Variants in CALCOCO2 observed in about 807,000 individuals in gnomAD.
CALCOCO2 encodes the protein calcium binding and coiled-coil domain 2.
A neutral mutation model predicts 62.5 loss-of-function variants in CALCOCO2; 42 were observed. The observed-to-expected ratio is 0.67, with a 90% confidence interval of 0.53 to 0.87. The LOEUF is 0.87. Ranked by LOEUF, CALCOCO2 falls within the 40% of genes least tolerant of loss-of-function variation. The probability of loss-of-function intolerance (pLI) is 0.00; values close to 1 mark genes in which losing one functional copy is unlikely to be tolerated. For synonymous variants in CALCOCO2, 167 were observed against 173.0 expected, an observed-to-expected ratio of 0.97 and a Z score of 0.27; for missense variants, 456 against 515.0, an observed-to-expected ratio of 0.89 and a Z score of 1.11.
chr17:48,844,510 A>G (rs980538615), intron 2 of CALCOCO2, among the ~76,000 whole-genome samples: 15 of 151,774 alleles, frequency 9.9e-5, no homozygotes, highest in African/African-American at 3.6e-4. Flanking sequence ...GCTGGAGTGC[A>G]ATGGCGCGAT....
chr17:48,860,270 CT>C (rs756154608), intron 10 of CALCOCO2, 43 bp from the exon 11 acceptor site: 1 of 1,580,124 alleles, frequency 6.3e-7, no homozygotes, highest in South Asian at 1.1e-5. Flanking sequence ...GGTGGCCATT[CT>C]TGGTATTGTC....
chr17:48,831,485 G>A (rs1260399046), intron 1 of CALCOCO2: 1 of 152,342 alleles, frequency 6.6e-6, no homozygotes, highest in Admixed American at 6.5e-5. Flanking sequence ...TCGAGGCGGA[G>A]GTGGAGCCTT....
intron 5 of CALCOCO2, among the ~76,000 whole-genome samples, chr17:48,850,548 C>T (rs2040114387): frequency 6.6e-6 from 1 of 151,572 alleles, no homozygotes; most frequent in Admixed American, 6.6e-5. Context: ...AAAAATGTGC[C>T]TCCTAAGATT....
At chr17:48,835,895 GC>G (rs1367533737) in intron 1 of CALCOCO2, among the ~76,000 whole-genome samples, 2 of 151,844 alleles carry the variant, frequency 1.3e-5, no homozygotes, top group African/African-American at 4.8e-5. Flanking sequence ...GATTACAGGC[GC>G]CTACCACCAC....
chr17:48,849,933 G>A (rs1034865949), intron 5 of CALCOCO2, among the ~76,000 whole-genome samples: 1 of 152,020 alleles, frequency 6.6e-6, no homozygotes, highest in Middle Eastern at 3.2e-3. Context: ...CAAGATGGGT[G>A]GATCACTTGA....
intron 4 of CALCOCO2, 95 bp downstream of exon 4, chr17:48,848,550 C>A: frequency 8.8e-7 from 1 of 1,134,862 alleles, no homozygotes; most frequent in Non-Finnish European, 1.3e-6. Context: ...TATTGAATAT[C>A]TAACGGGTAT....
chr17:48,854,049 C>T (rs1236682754), intron 9 of CALCOCO2, among the ~76,000 whole-genome samples: 1 of 152,008 alleles, frequency 6.6e-6, no homozygotes, highest in Non-Finnish European at 1.5e-5. Flanking sequence ...GGTGCGGTGG[C>T]TCGCGCCTGT....
intron 1 of CALCOCO2, among the ~76,000 whole-genome samples, chr17:48,838,676 T>C (rs1408121156): frequency 2.0e-5 from 3 of 152,108 alleles, no homozygotes; most frequent in Non-Finnish European, 2.9e-5. Flanking sequence ...ATCGCGCCAC[T>C]GCACTCCAGC....
Position 48,852,599 on chromosome 17 carries a change from G to A in CALCOCO2, c.796G>A (p.Asp266Asn). ...GTTAGAGCAGCTGAAAAAGGAAAAT[G>A]ACCACCTCTTTCTCAGTTTAACTGA... ...EQLEQLKKEN[D>N]HLFLSLTEQR... The change falls in exon 8 of 13, where the codon GAC (aspartate) becomes AAC (asparagine). Residue 266 changes from aspartate to asparagine, a missense_variant. Transcript: ENST00000258947. 6.2e-7 allele frequency: 1 copy of A among 1,613,484 alleles called. No homozygotes were observed. The highest frequency in any genetic ancestry group is 8.5e-7 in the Non-Finnish European group (1 of 1,179,472).
chr17:48,848,976 C>T (rs2040090491), intron 4 of CALCOCO2: 5 of 434,570 alleles, frequency 1.2e-5, no homozygotes, highest in South Asian at 9.8e-5. Flanking sequence ...GAGAGACAAA[C>T]AATACTAAGC....
intron 1 of CALCOCO2, among the ~76,000 whole-genome samples, chr17:48,841,103 C>T (rs542702266): frequency 6.6e-6 from 1 of 152,240 alleles, no homozygotes; most frequent in South Asian, 2.1e-4. Context: ...ATATAAATTG[C>T]CCAATGCCAC....
chr17:48,865,071 C>T lies in CALCOCO2; in HGVS notation c.*2066C>T, dbSNP rs948255031. 1 of 152,202 alleles carries T rather than the reference C, an allele frequency of 6.6e-6. No individual in the cohort carries two copies. Among genetic ancestry groups the T allele is most frequent in the Non-Finnish European group, 1.5e-5 (1 of 68,042 alleles). 9.4% of individuals were successfully genotyped at this position (152,202 alleles called of 1,614,324 possible). A position where few individuals can be genotyped will look rare whatever the true frequency, so the allele number is the denominator to read the frequency against. ...CCCCGAGGGTTACCATGATTGTCAA[C>T]AGCAGCAGGAGCCCTTCCACAGGGC... On this transcript the variant is annotated 3_prime_UTR_variant, in exon 13 of 13. Coordinates refer to ENST00000258947, the MANE Select transcript of CALCOCO2 (RefSeq NM_005831.5).
At chr17:48,855,082 C>T (rs1041899606) in intron 9 of CALCOCO2, among the ~76,000 whole-genome samples, 2 of 152,036 alleles carry the variant, frequency 1.3e-5, no homozygotes, top group Non-Finnish European at 2.9e-5. Context: ...AATGGTACAC[C>T]CTTGTTAAGG....
chr17:48,852,348 AAG>A (rs1354673915), intron 7 of CALCOCO2, 156 bp from the exon 8 acceptor site: 10 of 611,322 alleles, frequency 1.6e-5, no homozygotes, highest in Non-Finnish European at 2.9e-5. Flanking sequence ...CTATGCCTTA[AAG>A]AGGTGCTTTA....
At chr17:48,832,765 A>T (rs2039833428) in intron 1 of CALCOCO2, among the ~76,000 whole-genome samples, 1 of 152,200 alleles carries the variant, frequency 6.6e-6, no homozygotes, top group Non-Finnish European at 1.5e-5. Flanking sequence ...GGAAAAGTGG[A>T]TGGTCTCAGT....
Position 48,858,054 on chromosome 17 carries a change from T to TAGAATAG in CALCOCO2, c.1008+1869_1008+1875dup, listed in dbSNP as rs1567759566. Among the ~76,000 whole-genome samples, 107 of 139,750 alleles carry TAGAATAG rather than the reference T, an allele frequency of 7.7e-4. 21 individuals carry two copies. The highest frequency in any genetic ancestry group is 1.2e-3 in the Admixed American group (16 of 13,410). 91.7% of individuals were successfully genotyped at this position (139,750 alleles called of 152,430 possible). A position where few individuals can be genotyped will look rare whatever the true frequency, so the allele number is the denominator to read the frequency against. On this transcript the variant is annotated intron_variant, in intron 10 of 12. Coordinates refer to ENST00000258947, the MANE Select transcript of CALCOCO2 (RefSeq NM_005831.5). ...GAATAGAATAGAATAGAAAATAGAATAGAATAGAATAGAATAGAATTTTAC... is the reference window on the plus strand; with the variant it reads ...GAATAGAATAGAATAGAAAATAGAATAGAATAGAGAATAGAATAGAATAGAATTTTAC...
intron 10 of CALCOCO2, among the ~76,000 whole-genome samples, chr17:48,858,030 A>AAGAGAAGAGAATAGAAT (rs1567759301): frequency 6.8e-5 from 1 of 14,666 alleles, no homozygotes. Context: ...AATAGAATAG[A>AAGAGAAGAGAATAGAAT]ATAGAATAGA....
At chr17:48,857,041 A>G (rs752204439) in intron 10 of CALCOCO2, among the ~76,000 whole-genome samples, 8 of 151,924 alleles carry the variant, frequency 5.3e-5, no homozygotes, top group South Asian at 4.1e-4. Context: ...GGCTCAAGCA[A>G]TCCTCCTGCC....
intron 1 of CALCOCO2, among the ~76,000 whole-genome samples, chr17:48,835,306 G>A (rs1003179919): frequency 2.0e-5 from 3 of 152,124 alleles, no homozygotes; most frequent in Admixed American, 2.0e-4. Flanking sequence ...TTTACTCATG[G>A]CCCTTTGTGT....
Sources: gnomAD v4.1 joint callset for allele counts (sites outside exome capture counted in the v4.1 genomes callset) on GRCh38, gnomAD v4.1.1 for gene constraint, MANE v1.5 for transcripts, NCBI Gene and HGNC (gene_info 2026-07-23, HGNC 2026-07-21) for gene names.